The following PPP2R2A variants were observed in gnomAD, a reference collection of about 807,000 sequenced individuals.
PPP2R2A encodes the protein serine/threonine-protein phosphatase 2A 55 kDa regulatory subunit B alpha isoform.
PPP2R2A carries 9 observed loss-of-function variants against 53.2 expected under a neutral mutation model. That is an observed-to-expected ratio of 0.17 (90% CI 0.10 to 0.30). The LOEUF (loss-of-function observed/expected upper bound fraction) is 0.30. Among genes scored for constraint, PPP2R2A ranks in the 10% least tolerant of loss-of-function variants. PPP2R2A has a pLI of 1.00. For missense variants in PPP2R2A, 235 were observed against 534.6 expected (o/e 0.44, Z 5.53); for synonymous variants, 169 against 174.2 (o/e 0.97, Z 0.23).
rs1802860020 is a variant in PPP2R2A, at chr8:26,321,900, C to G, written c.83-16990C>G. On this transcript the variant is annotated intron_variant, in intron 2 of 9. Coordinates refer to ENST00000380737, the MANE Select transcript of PPP2R2A (RefSeq NM_002717.4). The surrounding 1 kb of genome is among the most constrained non-coding windows in gnomAD (Gnocchi z 4.1). ...AGTAACAATGTCAACATTTCCCCTC[C>G]TCGGTCTAAGATTTGAACTTGGTTC... Among the ~76,000 whole-genome samples, 1 of 152,232 alleles carries G rather than the reference C, an allele frequency of 6.6e-6. No individual in the cohort carries two copies. The highest frequency in any genetic ancestry group is 1.5e-5 in the Non-Finnish European group (1 of 68,036).
Position 26,362,629 on chromosome 8 carries a change from G to T in PPP2R2A, c.638-55G>T. 2 of 1,541,240 alleles carry T rather than the reference G, an allele frequency of 1.3e-6. No individual in the cohort carries two copies. The highest frequency in any genetic ancestry group is 8.9e-7 in the Non-Finnish European group (1 of 1,123,680). ...ATGGGTTTTAGGTTTGAGAAATGTA[G>T]AATTATATTTGCCCTTTTTTCTAAG... On this transcript the variant is annotated intron_variant, in intron 6 of 9. Transcript: ENST00000380737. The surrounding 1 kb of genome is among the most constrained non-coding windows in gnomAD (Gnocchi z 4.4).
At position 26,291,702 on chromosome 8, in the gene PPP2R2A, C is replaced by T; in HGVS notation, c.-118C>T. The T allele has an allele frequency of 3.7e-6, 3 of 814,996 alleles. No homozygotes were observed. Among genetic ancestry groups the T allele is most frequent in the South Asian group, 1.7e-5 (1 of 60,232 alleles). 50.5% of individuals were successfully genotyped at this position (814,996 alleles called of 1,614,324 possible). ...TCCCCCCGGCCCCCGTCCCCTCCCCCCGCAGGTGCCATCCGCCGCCATCCG... is the reference window on the plus strand; with the variant it reads ...TCCCCCCGGCCCCCGTCCCCTCCCCTCGCAGGTGCCATCCGCCGCCATCCG... On this transcript the variant is annotated 5_prime_UTR_variant, in exon 1 of 10. Coordinates refer to ENST00000380737, the MANE Select transcript of PPP2R2A (RefSeq NM_002717.4).
At position 26,360,147 on chromosome 8, in the gene PPP2R2A, CTT is replaced by C; in HGVS notation, c.347-19_347-18del. On this transcript the variant is annotated intron_variant, in intron 4 of 9. Coordinates refer to ENST00000380737, the MANE Select transcript of PPP2R2A (RefSeq NM_002717.4). This position sits in a 1 kb window ranked among gnomAD's most constrained non-coding sequence, Gnocchi z 4.5. ...TTTTTCTTCTTCAGTATTTTAAGGA[CTT>C]TTCTTTATTTTCTTCCCAGATAAAA... The C allele has an allele frequency of 7.2e-7, 1 of 1,389,850 alleles. No individual in the cohort carries two copies. The highest frequency in any genetic ancestry group is 1.4e-5 in the African/African-American group (1 of 69,064). The allele number at this position is 1,389,850 out of a possible 1,614,324, so 86.1% of individuals were successfully genotyped here.
intron 9 of PPP2R2A, among the ~76,000 whole-genome samples, chr8:26,368,159 A>T (rs1805475928): frequency 6.6e-6 from 1 of 152,194 alleles, no homozygotes; most frequent in African/African-American, 2.4e-5. Context: ...TAAATTACAC[A>T]AGCCATTTTT....
At chr8:26,334,008 CTT>C (rs11419341) in intron 2 of PPP2R2A, among the ~76,000 whole-genome samples, 24 of 151,464 alleles carry the variant, frequency 1.6e-4, no homozygotes, top group African/African-American at 5.3e-4. Context: ...CATTACATTA[CTT>C]TTTTTTTAAC....
intron 2 of PPP2R2A, among the ~76,000 whole-genome samples, chr8:26,316,084 A>T (rs545811666): frequency 4.6e-5 from 7 of 151,742 alleles, no homozygotes; most frequent in African/African-American, 1.7e-4. Flanking sequence ...GGCTCACTGC[A>T]GCCTCCGCCT....
chr8:26,339,303 C>G (rs1803820841), intron 3 of PPP2R2A, among the ~76,000 whole-genome samples: 1 of 152,052 alleles, frequency 6.6e-6, no homozygotes, highest in African/African-American at 2.4e-5. Context: ...TATAATTTTT[C>G]CTTTGAAACT....
At chr8:26,293,982 CAT>C in intron 2 of PPP2R2A, 1 of 456,892 alleles carries the variant, frequency 2.2e-6, no homozygotes, top group African/African-American at 2.0e-5. Context: ...GATGATGAGA[CAT>C]ATAAGATCCT....
chr8:26,325,367 A>G (rs756612815), intron 2 of PPP2R2A, among the ~76,000 whole-genome samples: 1 of 151,980 alleles, frequency 6.6e-6, no homozygotes, highest in Non-Finnish European at 1.5e-5. Context: ...TGCCGCCGCC[A>G]TGTAAGAGGT....
chr8:26,333,156 A>C (rs1803470657), intron 2 of PPP2R2A, among the ~76,000 whole-genome samples: 1 of 152,210 alleles, frequency 6.6e-6, no homozygotes, highest in Admixed American at 6.5e-5. Context: ...GTATCCAGTT[A>C]ATATAAAGCA....
intron 2 of PPP2R2A, among the ~76,000 whole-genome samples, chr8:26,303,877 A>T (rs1158597177): frequency 2.0e-5 from 3 of 152,240 alleles, no homozygotes; most frequent in African/African-American, 7.2e-5. Context: ...CAAGTCGTTG[A>T]ATACTTCTAT....
intron 9 of PPP2R2A, 108 bp downstream of exon 9, chr8:26,366,514 A>G (rs1805383760): frequency 5.3e-6 from 4 of 756,078 alleles, no homozygotes; most frequent in Non-Finnish European, 8.2e-6. Flanking sequence ...TAAATTTAGT[A>G]ATTTTAGATA....
rs760340878 is a variant in PPP2R2A, at chr8:26,354,452, TTTG to T, written c.181-13_181-11del. 4 of 1,501,146 alleles carry T rather than the reference TTTG, an allele frequency of 2.7e-6. No individual in the cohort carries two copies. In the South Asian group the frequency reaches 5.5e-5, roughly 20 times the overall value. The allele number at this position is 1,501,146 out of a possible 1,614,324, so 93.0% of individuals were successfully genotyped here. A position where few individuals can be genotyped will look rare whatever the true frequency, so the allele number is the denominator to read the frequency against. On this transcript the variant is annotated splice_polypyrimidine_tract_variant and intron_variant, in intron 3 of 9. Coordinates refer to ENST00000380737, the MANE Select transcript of PPP2R2A (RefSeq NM_002717.4). This position sits in a 1 kb window ranked among gnomAD's most constrained non-coding sequence, Gnocchi z 4.6. The stretch of plus-strand genomic sequence containing the variant: ...ATTTTTCAACAATGGTCCATATATT[TTTG>T]TTTTCATTTTAGAACAAAATCCAGT...
intron 3 of PPP2R2A, among the ~76,000 whole-genome samples, chr8:26,344,351 T>C (rs144267204): frequency 3.9e-5 from 6 of 152,344 alleles, no homozygotes; most frequent in East Asian, 3.9e-4. Context: ...CTGTGTAAAT[T>C]TGGATGAGTA....
Position 26,293,352 on chromosome 8 carries a change from TTTAC to T in PPP2R2A, c.8-311_8-308del, listed in dbSNP as rs1418406485. 88 of 1,347,438 alleles carry T rather than the reference TTTAC, an allele frequency of 6.5e-5. 1 individual carries two copies. The African/African-American group carries it at 1.2e-3, about 18-fold the overall frequency. 83.5% of individuals were successfully genotyped at this position (1,347,438 alleles called of 1,614,324 possible). ...TAAGAAAACTCTTTAACTCTTGGTA[TTTAC>T]TTTTTTTCTGGTAGGTCTTGCCTGA... On this transcript the variant is annotated intron_variant, in intron 1 of 9. Transcript: ENST00000380737.
intron 2 of PPP2R2A, among the ~76,000 whole-genome samples, chr8:26,307,449 A>C (rs1802073634): frequency 6.6e-6 from 1 of 152,192 alleles, no homozygotes; most frequent in Non-Finnish European, 1.5e-5. Context: ...CTAAAGACAT[A>C]ATGTGTGTTC....
chr8:26,362,377 C>T lies in PPP2R2A; in HGVS notation c.638-307C>T, dbSNP rs982117737. ...AAAATTAGTCAGTTGTAGTGGTGTG[C>T]GCCTGTAATCCCAGCTTTTCTGGAG... On this transcript the variant is annotated intron_variant, in intron 6 of 9. Coordinates refer to ENST00000380737, the MANE Select transcript of PPP2R2A (RefSeq NM_002717.4). This position sits in a 1 kb window ranked among gnomAD's most constrained non-coding sequence, Gnocchi z 4.4. 6.6e-6 allele frequency among the ~76,000 whole-genome samples: 1 copy of T among 150,786 alleles called. No homozygotes were observed. The highest frequency in any genetic ancestry group is 1.5e-5 in the Non-Finnish European group (1 of 67,774).
chr8:26,315,742 G>T (rs1802521078), intron 2 of PPP2R2A, among the ~76,000 whole-genome samples: 1 of 152,084 alleles, frequency 6.6e-6, no homozygotes, highest in African/African-American at 2.4e-5. Context: ...CAGCACATTG[G>T]TTGTTACCTT....
intron 2 of PPP2R2A, among the ~76,000 whole-genome samples, chr8:26,305,508 A>G (rs547175016): frequency 1.6e-4 from 25 of 152,264 alleles, no homozygotes; most frequent in African/African-American, 5.3e-4. Flanking sequence ...GATTGAGTCT[A>G]CATCTCTGAT....
Sources: gnomAD v4.1 joint callset for allele counts (sites outside exome capture counted in the v4.1 genomes callset) on GRCh38, gnomAD v4.1.1 for gene constraint, Gnocchi (gnomAD v3.1) non-coding constraint, MANE v1.5 for transcripts, NCBI Gene and HGNC (gene_info 2026-07-23, HGNC 2026-07-21) for gene names.